TAC3: variants seen among roughly 807,000 people sequenced by gnomAD.
The protein encoded by TAC3 is tachykinin precursor 3.
TAC3 carries 9 observed loss-of-function variants against 16.5 expected under a neutral mutation model. The observed-to-expected ratio is 0.55, with a 90% confidence interval of 0.33 to 0.95. The LOEUF (loss-of-function observed/expected upper bound fraction) is 0.95. TAC3 is among the 40% of genes least tolerant of loss of function. TAC3 has a pLI of 0.03. For synonymous variants in TAC3, 52 were observed against 56.7 expected (o/e 0.92, Z 0.37); for missense variants, 129 against 149.1 (o/e 0.87, Z 0.70).
At chr12:57,016,053 T>G (rs888745907) in intron 1 of TAC3, among the ~76,000 whole-genome samples, 1 of 152,172 alleles carries the variant, frequency 6.6e-6, no homozygotes, top group African/African-American at 2.4e-5. Context: ...GCTATAGTGG[T>G]GCCAGGAGGA....
At position 57,012,471 on chromosome 12, in the gene TAC3, TGTAA is replaced by T. The variant is rs1461770149; in HGVS notation, c.293-23_293-20del. 3.7e-6 allele frequency: 6 copies of T among 1,613,620 alleles called. No homozygotes were observed. The Admixed American group carries it at 6.7e-5, about 18-fold the overall frequency. ...GGAGAGTCTAGGGTAAAGCGAACAG[TGTAA>T]GTAAGAGGGATCTTTCTGAATGTGA... On this transcript the variant is annotated intron_variant, in intron 5 of 6. Transcript: ENST00000458521.
intron 6 of TAC3, 154 bp downstream of exon 6, chr12:57,012,222 CTT>C: frequency 5.7e-6 from 4 of 697,266 alleles, no homozygotes. Flanking sequence ...CTCTAAGTGT[CTT>C]TGTGTTTGGC....
intron 6 of TAC3, among the ~76,000 whole-genome samples, chr12:57,011,970 A>G (rs1000995740): frequency 7.2e-5 from 11 of 152,250 alleles, no homozygotes; most frequent in Non-Finnish European, 1.6e-4. Flanking sequence ...TGAAAGGCTC[A>G]GCCTGCCTGG....
intron 1 of TAC3, among the ~76,000 whole-genome samples, chr12:57,016,174 G>A (rs1470494613): frequency 6.6e-6 from 1 of 152,144 alleles, no homozygotes; most frequent in Non-Finnish European, 1.5e-5. Context: ...ATAATCCCAA[G>A]ACTTAGGCAA....
intron 3 of TAC3, 62 bp from the exon 4 acceptor site, chr12:57,013,450 T>C (rs1956329774): frequency 1.2e-6 from 2 of 1,604,306 alleles, no homozygotes; most frequent in Admixed American, 3.3e-5. Flanking sequence ...GAGAGCGGGG[T>C]TCAGATCACA....
At position 57,010,251 on chromosome 12, in the gene TAC3, G is replaced by A. The variant is rs528245671; in HGVS notation, c.*39C>T. The A allele has an allele frequency of 4.4e-6, 2 of 453,944 alleles. No individual in the cohort carries two copies. The highest frequency in any genetic ancestry group is 2.3e-5 in the Admixed American group (1 of 42,564). 28.1% of individuals were successfully genotyped at this position (453,944 alleles called of 1,614,324 possible). ...CCTGGGGATTGGGACAGGGAAAGAG[G>A]TCTTCCTAATGCAGTCCAGGAGTCC... On this transcript the variant is annotated 3_prime_UTR_variant, in exon 7 of 7. Transcript: ENST00000458521.
At chr12:57,016,304 C>T in intron 1 of TAC3, 83 bp downstream of exon 1, 1 of 367,274 alleles carries the variant, frequency 2.7e-6, no homozygotes, top group Non-Finnish European at 5.5e-6. Flanking sequence ...TCAGAGGCTG[C>T]CATCTGCTTT....
intron 5 of TAC3, 67 bp downstream of exon 5, chr12:57,012,755 G>C (rs547255682): frequency 6.2e-7 from 1 of 1,613,802 alleles, no homozygotes; most frequent in East Asian, 2.2e-5. Flanking sequence ...CAAATATGAG[G>C]CACGTGACTT....
Position 57,012,395 on chromosome 12 carries a change from G to A in TAC3, c.350C>T (p.Pro117Leu). 6.2e-7 allele frequency: 1 copy of A among 1,613,972 alleles called. No homozygotes were observed. The highest frequency in any genetic ancestry group is 8.5e-7 in the Non-Finnish European group (1 of 1,179,982). ...ATCCTTACCCTATTCTGCTCTCGGG[G>A]GATACTTGAGGATGCCAAAGCTGGG... is the stretch of plus-strand genomic sequence containing the variant. Reference protein sequence around the residue: ...NVPSFGILKYPPRAE With the variant: ...NVPSFGILKYLPRAE Residue 117 changes from proline to leucine, a missense_variant, in exon 6 of 7, where the codon CCC becomes CTC. Pro to Leu is a moderately conservative substitution (Grantham distance 98). Coordinates refer to ENST00000458521, the MANE Select transcript of TAC3 (RefSeq NM_013251.4).
intron 5 of TAC3, 112 bp downstream of exon 5, chr12:57,012,710 G>A: frequency 1.9e-6 from 3 of 1,613,288 alleles, no homozygotes; most frequent in Non-Finnish European, 2.5e-6. Context: ...AACCCTCACT[G>A]AAGGTAAGAA....
intron 1 of TAC3, 101 bp from the exon 2 acceptor site, chr12:57,015,903 C>T (rs1304323525): frequency 5.2e-6 from 5 of 965,742 alleles, no homozygotes; most frequent in Non-Finnish European, 8.0e-6. Flanking sequence ...CTTGGCTTGA[C>T]CCTGCTTCCC....
At chr12:57,012,339 C>A in intron 6 of TAC3, 39 bp downstream of exon 6, 55 of 1,487,138 alleles carry the variant, frequency 3.7e-5, no homozygotes, top group Non-Finnish European at 4.7e-5. Context: ...ACAGCCCCCT[C>A]CCCAGTCCCC....
intron 2 of TAC3, 87 bp from the exon 3 acceptor site, chr12:57,013,758 GC>G: frequency 9.0e-7 from 1 of 1,109,950 alleles, no homozygotes; most frequent in Non-Finnish European, 1.3e-6. Flanking sequence ...CTCTTCCTGA[GC>G]CCATCCTGAA....
intron 3 of TAC3, 84 bp from the exon 4 acceptor site, chr12:57,013,472 T>C (rs1448540608): frequency 6.3e-7 from 1 of 1,593,114 alleles, no homozygotes; most frequent in Non-Finnish European, 8.6e-7. Flanking sequence ...CCCTCACCGA[T>C]TCACTAAGCT....
chr12:57,015,622 T>C (rs1956360842), intron 2 of TAC3, 62 bp downstream of exon 2: 3 of 1,478,246 alleles, frequency 2.0e-6, no homozygotes, highest in Non-Finnish European at 2.8e-6. Context: ...ACTACAGCTG[T>C]CCAGACAGGC....
chr12:57,010,232 G>A lies in TAC3; in HGVS notation c.*58C>T, dbSNP rs114046117. The A allele has an allele frequency of 4.4e-4, 198 of 454,074 alleles. No homozygotes were observed. The highest frequency in any genetic ancestry group is 3.8e-3 in the African/African-American group (189 of 50,086). The allele number at this position is 454,074 out of a possible 1,614,324, so 28.1% of individuals were successfully genotyped here. On this transcript the variant is annotated 3_prime_UTR_variant, in exon 7 of 7. Coordinates refer to ENST00000458521, the MANE Select transcript of TAC3 (RefSeq NM_013251.4). Reference sequence around the variant, plus strand: ...GGTAACAGGAGCGTGCGCACCTGGGGATTGGGACAGGGAAAGAGGTCTTCC... The same window carrying A: ...GGTAACAGGAGCGTGCGCACCTGGGAATTGGGACAGGGAAAGAGGTCTTCC...
chr12:57,012,777 T>G (rs1416249951), intron 5 of TAC3, 45 bp downstream of exon 5: 1 of 1,614,106 alleles, frequency 6.2e-7, no homozygotes, highest in Non-Finnish European at 8.5e-7. Context: ...TGTCATACTC[T>G]GCCAGTACCC....
At chr12:57,012,618 TACCTTATAAAGGTCTCTGC>T in intron 5 of TAC3, 166 bp from the exon 6 acceptor site, 5 of 1,612,906 alleles carry the variant, frequency 3.1e-6, no homozygotes, top group Non-Finnish European at 4.2e-6. Context: ...GCAACAGGAC[TACCTTATAAAGGTCTCTGC>T]TCCTCTGTTC....
chr12:57,012,352 T>C, intron 6 of TAC3, 26 bp downstream of exon 6: 1 of 1,338,048 alleles, frequency 7.5e-7, no homozygotes, highest in Non-Finnish European at 1.1e-6. Context: ...CAGTCCCCTC[T>C]CCCCTCTCTA....
Sources: allele counts gnomAD v4.1 joint callset (sites outside exome capture counted in the v4.1 genomes callset), GRCh38; gene constraint gnomAD v4.1.1; transcripts MANE v1.5; gene names NCBI Gene and HGNC (gene_info 2026-07-23, HGNC 2026-07-21).